CHMP1A: variants seen among roughly 807,000 people sequenced by gnomAD.
The protein encoded by CHMP1A is VPS46 homolog A.
In CHMP1A, 17 loss-of-function variants were observed where a neutral mutation model predicts 27.0. That is an observed-to-expected ratio of 0.63 (90% CI 0.43 to 0.95). CHMP1A has a LOEUF of 0.95. Ranked by LOEUF, CHMP1A falls within the 40% of genes least tolerant of loss-of-function variation. The pLI is 0.00. For missense variants in CHMP1A, 275 were observed against 264.0 expected (o/e 1.04, Z -0.29); for synonymous variants, 131 against 107.5 (o/e 1.22, Z -1.35).
At chr16:89,646,460 CCT>C in intron 6 of CHMP1A, 65 bp downstream of exon 6, 1 of 1,453,098 alleles carries the variant, frequency 6.9e-7, no homozygotes, top group Non-Finnish European at 9.3e-7. Flanking sequence ...AACCCACAAC[CCT>C]CTCTCCCTTC....
chr16:89,647,370 G>C, intron 4 of CHMP1A, 39 bp from the exon 5 acceptor site: 4 of 1,580,576 alleles, frequency 2.5e-6, no homozygotes, highest in Non-Finnish European at 3.5e-6. Context: ...CAGGATGAAA[G>C]GCAAGTGGAG....
Position 89,646,004 on chromosome 16 carries a change from G to C in CHMP1A, c.*62C>G. On this transcript the variant is annotated 3_prime_UTR_variant, in exon 7 of 7. Transcript: ENST00000397901. ...CAGCACAAAGGCAAGACGCGGTGGG[G>C]AGAGGACAGGAGCCTTCCAGCACAT... 1.9e-6 allele frequency: 3 copies of C among 1,610,726 alleles called. No individual in the cohort carries two copies. The highest frequency in any genetic ancestry group is 2.5e-6 in the Non-Finnish European group (3 of 1,178,958).
rs374723745 is a variant in CHMP1A at position 89,645,939 on chromosome 16, G to C, written c.*127C>G. 48 of 1,611,350 alleles carry C rather than the reference G, an allele frequency of 3.0e-5. No individual in the cohort carries two copies. The highest frequency in any genetic ancestry group is 2.7e-4 in the East Asian group (12 of 44,810). ...CTAAGGCCACGCAGGCCTGGCAGGT[G>C]AGAGACGCAGAGTGGCTGCCGGCCG... is the stretch of plus-strand genomic sequence containing the variant. On this transcript the variant is annotated 3_prime_UTR_variant, in exon 7 of 7. Coordinates refer to ENST00000397901, the MANE Select transcript of CHMP1A (RefSeq NM_002768.5).
Position 89,649,398 on chromosome 16 carries a change from C to T in CHMP1A, c.205G>A (p.Val69Ile), listed in dbSNP as rs773029258. 3.2e-5 allele frequency: 52 copies of T among 1,613,574 alleles called. No homozygotes were observed. The highest frequency in any genetic ancestry group is 5.5e-5 in the South Asian group (5 of 91,084). The change falls in exon 4 of 7, where the codon GTA (valine) becomes ATA (isoleucine). Residue 69 changes from valine (V) to isoleucine (I), a missense_variant. Val to Ile is a conservative substitution (Grantham distance 29, BLOSUM62 3). Coordinates refer to ENST00000397901, the MANE Select transcript of CHMP1A (RefSeq NM_002768.5). ...GVNWLRMASR[V>I]DAVASKVQTA... Reference sequence around the variant, plus strand: ...TGCACCTTGGAGGCCACTGCGTCTACGCGGGACGCCATCCGAAGCCAGTTC... The same window carrying T: ...TGCACCTTGGAGGCCACTGCGTCTATGCGGGACGCCATCCGAAGCCAGTTC...
intron 3 of CHMP1A, among the ~76,000 whole-genome samples, chr16:89,651,313 G>T (rs1021092612): frequency 1.3e-5 from 2 of 151,950 alleles, no homozygotes; most frequent in Non-Finnish European, 1.5e-5. Context: ...GGAGGTTGCA[G>T]TGAGACGAGA....
At chr16:89,646,901 C>T (rs1419210184) in intron 5 of CHMP1A, 187 bp from the exon 6 acceptor site, 1 of 741,994 alleles carries the variant, frequency 1.3e-6, no homozygotes, top group Non-Finnish European at 2.2e-6. Flanking sequence ...CACCCAGCCC[C>T]ACCCTCTGAC....
intron 1 of CHMP1A, among the ~76,000 whole-genome samples, chr16:89,654,749 T>C (rs372600794): frequency 7.9e-5 from 12 of 152,302 alleles, no homozygotes; most frequent in African/African-American, 2.9e-4. Context: ...GAGACCATCC[T>C]GGCTAACACG....
chr16:89,652,972 C>T (rs773181113), intron 2 of CHMP1A, among the ~76,000 whole-genome samples: 8 of 151,054 alleles, frequency 5.3e-5, no homozygotes, highest in Non-Finnish European at 7.4e-5. Flanking sequence ...GTCCACACAG[C>T]GGAACACCAA....
chr16:89,648,712 C>T (rs1597786935), intron 4 of CHMP1A, among the ~76,000 whole-genome samples: 1 of 127,704 alleles, frequency 7.8e-6, no homozygotes, highest in South Asian at 2.9e-4. Context: ...CCAACATAGA[C>T]ACCCTGTCTC....
chr16:89,646,016 G>A lies in CHMP1A; in HGVS notation c.*50C>T. 1.2e-6 allele frequency: 2 copies of A among 1,608,808 alleles called. No homozygotes were observed. The highest frequency in any genetic ancestry group is 1.7e-6 in the Non-Finnish European group (2 of 1,178,256). ...AAGACGCGGTGGGGAGAGGACAGGA[G>A]CCTTCCAGCACATCACGGGGCAGAG... On this transcript the variant is annotated 3_prime_UTR_variant, in exon 7 of 7. Transcript: ENST00000397901.
At chr16:89,652,923 T>C (rs1177294691) in intron 2 of CHMP1A, among the ~76,000 whole-genome samples, 4 of 151,474 alleles carry the variant, frequency 2.6e-5, no homozygotes, top group African/African-American at 9.7e-5. Context: ...GTGGGAGGAA[T>C]ACTCAGAAAG....
Position 89,646,074 on chromosome 16 carries a change from T to C in CHMP1A, c.583A>G (p.Arg195Gly). The C allele has an allele frequency of 1.3e-6, 2 of 1,548,870 alleles. No individual in the cohort carries two copies. The highest frequency in any genetic ancestry group is 1.7e-6 in the Non-Finnish European group (2 of 1,148,318). ...ACACCGGCGGGGCACGGCTAGTTCC[T>C]CAAGGCGGCCAACCTGGAAACCAAC... The part of the protein sequence containing the change: ...DQLSRRLAAL[R>G]N The change falls in exon 7 of 7, where the codon AGG becomes GGG. Residue 195 changes from arginine to glycine, a missense_variant. By Grantham distance (125) the Arg-to-Gly change is moderately radical (BLOSUM62 -2). Coordinates refer to ENST00000397901, the MANE Select transcript of CHMP1A (RefSeq NM_002768.5).
At chr16:89,646,774 G>A in intron 5 of CHMP1A, 60 bp from the exon 6 acceptor site, 1 of 1,538,246 alleles carries the variant, frequency 6.5e-7, no homozygotes, top group Non-Finnish European at 8.9e-7. Context: ...GCCCCACTCA[G>A]CTTCACAAGG....
intron 1 of CHMP1A, among the ~76,000 whole-genome samples, chr16:89,655,015 G>A (rs2059853563): frequency 6.6e-6 from 1 of 152,076 alleles, no homozygotes; most frequent in African/African-American, 2.4e-5. Context: ...TAAATTTGGA[G>A]AGCGACCCTG....
chr16:89,646,226 C>A, intron 6 of CHMP1A, 139 bp from the exon 7 acceptor site: 1 of 786,268 alleles, frequency 1.3e-6, no homozygotes, highest in South Asian at 1.8e-5. Flanking sequence ...CAGACATGCC[C>A]TGTCCCACTC....
intron 5 of CHMP1A, 120 bp from the exon 6 acceptor site, chr16:89,646,834 T>C (rs962626714): frequency 4.2e-6 from 5 of 1,181,084 alleles, no homozygotes; most frequent in Non-Finnish European, 4.8e-6. Context: ...CTTCTTGCCC[T>C]GTTCTCTCAG....
chr16:89,646,295 C>T (rs1289936143), intron 6 of CHMP1A, among the ~76,000 whole-genome samples: 2 of 152,272 alleles, frequency 1.3e-5, no homozygotes, highest in African/African-American at 2.4e-5. Flanking sequence ...CGTGTGTAAA[C>T]GCCATGCCTG....
intron 3 of CHMP1A, among the ~76,000 whole-genome samples, chr16:89,650,326 GA>G (rs2059814073): frequency 6.6e-6 from 1 of 152,048 alleles, no homozygotes; most frequent in Non-Finnish European, 1.5e-5. Context: ...TTATAGGTGT[GA>G]ATCACTGCGC....
intron 1 of CHMP1A, among the ~76,000 whole-genome samples, chr16:89,656,997 GGCATACC>G (rs2059881499): frequency 6.6e-6 from 1 of 150,634 alleles, no homozygotes; most frequent in African/African-American, 2.4e-5. Flanking sequence ...CCCCGGGGAA[GGCATACC>G]GGGTTGAGAT....
Sources: gnomAD v4.1 joint callset for allele counts (sites outside exome capture counted in the v4.1 genomes callset) on GRCh38, gnomAD v4.1.1 for gene constraint, MANE v1.5 for transcripts, NCBI Gene and HGNC (gene_info 2026-07-23, HGNC 2026-07-21) for gene names.